UBE2E1: variants seen among roughly 807,000 people sequenced by gnomAD.
UBE2E1 encodes the protein ubiquitin-conjugating enzyme E2 E1.
Under a neutral mutation model 21.4 loss-of-function variants are expected in UBE2E1, and 6 were observed. That is an observed-to-expected ratio of 0.28 (90% CI 0.15 to 0.55). The LOEUF is 0.55. Among genes scored for constraint, UBE2E1 ranks in the 20% least tolerant of loss-of-function variants. UBE2E1 has a pLI of 0.93. For synonymous variants in UBE2E1, 87 were observed against 82.7 expected, an observed-to-expected ratio of 1.05 and a Z score of -0.28; for missense variants, 142 against 236.5, an observed-to-expected ratio of 0.60 and a Z score of 2.62.
intron 3 of UBE2E1, among the ~76,000 whole-genome samples, chr3:23,882,312 C>T (rs544952942): frequency 1.3e-5 from 2 of 152,274 alleles, no homozygotes; most frequent in East Asian, 1.9e-4. Context: ...CAAAAGTTCT[C>T]CAAGTCCCCA....
In UBE2E1 at chr3:23,842,273, G is replaced by T. The variant is rs185285057; in HGVS notation, c.203+30763G>T. On this transcript the variant is annotated intron_variant, in intron 3 of 5. Transcript: ENST00000306627. The surrounding 1 kb of genome is among the most constrained non-coding windows in gnomAD (Gnocchi z 4.6). ...TGGTGTTGTTGTTGTTGGCGACAGGGTCTCAATTCGTCGCCTAGGCTGGGA... is the reference window on the plus strand; with the variant it reads ...TGGTGTTGTTGTTGTTGGCGACAGGTTCTCAATTCGTCGCCTAGGCTGGGA... Among the ~76,000 whole-genome samples the T allele has an allele frequency of 2.9e-5, 4 of 138,998 alleles. No individual in the cohort carries two copies. The East Asian group carries it at 8.4e-4, about 29-fold the overall frequency. 91.2% of individuals were successfully genotyped at this position (138,998 alleles called of 152,430 possible).
At chr3:23,815,429 G>A (rs1245800255) in intron 3 of UBE2E1, among the ~76,000 whole-genome samples, 1 of 152,192 alleles carries the variant, frequency 6.6e-6, no homozygotes, top group African/African-American at 2.4e-5. Context: ...AAATACAGAA[G>A]TTTGTGGAGT....
rs1701214061 is a variant in UBE2E1 at position 23,887,459 on chromosome 3, C to A, written c.204-108C>A. The stretch of plus-strand genomic sequence containing the variant: ...GTACTTGTTTTGTAAAGAGAATCCA[C>A]ACAGTAAACAAAAGAGAGGAGAGAG... On this transcript the variant is annotated intron_variant, in intron 3 of 5. Coordinates refer to ENST00000306627, the MANE Select transcript of UBE2E1 (RefSeq NM_003341.5). This position sits in a 1 kb window ranked among gnomAD's most constrained non-coding sequence, Gnocchi z 4.4. The A allele has an allele frequency of 7.1e-7, 1 of 1,407,204 alleles. No individual in the cohort carries two copies. Among genetic ancestry groups the A allele is most frequent in the Non-Finnish European group, 9.4e-7 (1 of 1,061,820 alleles). The allele number at this position is 1,407,204 out of a possible 1,614,324, so 87.2% of individuals were successfully genotyped here.
At chr3:23,881,156 G>A (rs184050564) in intron 3 of UBE2E1, among the ~76,000 whole-genome samples, 2 of 152,172 alleles carry the variant, frequency 1.3e-5, no homozygotes, top group African/African-American at 4.8e-5. Flanking sequence ...CAGAAGTGTC[G>A]TGGCTCATGG....
At chr3:23,828,892 A>T (rs1257262489) in intron 3 of UBE2E1, among the ~76,000 whole-genome samples, 2 of 152,184 alleles carry the variant, frequency 1.3e-5, no homozygotes, top group East Asian at 1.9e-4. Context: ...CTGTCCCAGC[A>T]CACCTAAGGA....
At chr3:23,846,723 A>T (rs553737355) in intron 3 of UBE2E1, among the ~76,000 whole-genome samples, 1 of 137,338 alleles carries the variant, frequency 7.3e-6, no homozygotes, top group Non-Finnish European at 1.6e-5. Flanking sequence ...AAAAAAGGGA[A>T]TGGGTAATAG....
intron 3 of UBE2E1, among the ~76,000 whole-genome samples, chr3:23,833,155 A>G (rs528854344): frequency 5.3e-5 from 8 of 152,276 alleles, no homozygotes; most frequent in Admixed American, 1.3e-4. Context: ...CAGTCTCCAT[A>G]TATTTGTCTC....
intron 3 of UBE2E1, among the ~76,000 whole-genome samples, chr3:23,819,849 C>T (rs1310136506): frequency 1.3e-5 from 2 of 152,184 alleles, no homozygotes; most frequent in Non-Finnish European, 2.9e-5. Flanking sequence ...GATGTGATCT[C>T]TGCTGCAGGC....
chr3:23,869,873 C>T (rs990431336), intron 3 of UBE2E1, among the ~76,000 whole-genome samples: 3 of 151,976 alleles, frequency 2.0e-5, no homozygotes, highest in South Asian at 2.1e-4. Context: ...GAGGGCTGCT[C>T]TTGGGGGGAG....
chr3:23,835,452 A>G (rs903989419), intron 3 of UBE2E1, among the ~76,000 whole-genome samples: 5 of 150,420 alleles, frequency 3.3e-5, no homozygotes, highest in Admixed American at 2.0e-4. Flanking sequence ...GAGCCACAGA[A>G]CAAGACCTGC....
chr3:23,879,721 C>T (rs73825173), intron 3 of UBE2E1, among the ~76,000 whole-genome samples: 2,122 of 152,346 alleles, frequency 0.014, 56 homozygotes, highest in African/African-American at 0.049. Flanking sequence ...TGCCTGGCTG[C>T]TCTAACAGTG....
At chr3:23,813,545 T>C (rs949467148) in intron 3 of UBE2E1, among the ~76,000 whole-genome samples, 7 of 152,018 alleles carry the variant, frequency 4.6e-5, no homozygotes, top group Non-Finnish European at 1.0e-4. Context: ...TTTATTTATT[T>C]ATTTATTTTC....
intron 2 of UBE2E1, among the ~76,000 whole-genome samples, chr3:23,809,347 T>A (rs1699339617): frequency 6.6e-6 from 1 of 152,182 alleles, no homozygotes; most frequent in South Asian, 2.1e-4. Context: ...CTGTGAAGTA[T>A]ATTGATTTGG....
At chr3:23,888,183 C>T (rs1701235702) in intron 4 of UBE2E1, 1 of 456,176 alleles carries the variant, frequency 2.2e-6, no homozygotes, top group Middle Eastern at 3.3e-4. Flanking sequence ...CTTCCCAAAG[C>T]TTTGGATTCT....
chr3:23,821,550 C>G (rs1699645937), intron 3 of UBE2E1, among the ~76,000 whole-genome samples: 1 of 152,160 alleles, frequency 6.6e-6, no homozygotes, highest in South Asian at 2.1e-4. Flanking sequence ...GAGGGTATTG[C>G]TCTGTTTCAA....
In UBE2E1 at chr3:23,890,494, A is replaced by ATTCT. The variant is rs775563681; in HGVS notation, c.485-12_485-9dup. ...TTTTCCTTTCTCCAAAGTAATCTAC[A>ATTCT]TTCTTTTCTTCCAGCCGACCCCTTG... On this transcript the variant is annotated splice_polypyrimidine_tract_variant and intron_variant, in intron 5 of 5. Transcript: ENST00000306627. 6.2e-7 allele frequency: 1 copy of ATTCT among 1,608,254 alleles called. No homozygotes were observed. Among genetic ancestry groups the ATTCT allele is most frequent in the Non-Finnish European group, 8.5e-7 (1 of 1,177,714 alleles).
intron 3 of UBE2E1, among the ~76,000 whole-genome samples, chr3:23,881,595 A>T (rs967387379): frequency 6.6e-6 from 1 of 152,228 alleles, no homozygotes; most frequent in Non-Finnish European, 1.5e-5. Context: ...CATGTTACAC[A>T]AAACTGAGAT....
intron 3 of UBE2E1, among the ~76,000 whole-genome samples, chr3:23,845,096 C>A (rs1167481291): frequency 6.6e-6 from 1 of 152,162 alleles, no homozygotes; most frequent in African/African-American, 2.4e-5. Context: ...TAAAAGCTCA[C>A]ATGTGAAATT....
At chr3:23,811,836 G>T (rs1190123933) in intron 3 of UBE2E1, among the ~76,000 whole-genome samples, 5 of 152,202 alleles carry the variant, frequency 3.3e-5, no homozygotes, top group Non-Finnish European at 7.3e-5. Flanking sequence ...CCTTTCAGAT[G>T]CGAAGGACAT....
Sources: allele counts gnomAD v4.1 joint callset (sites outside exome capture counted in the v4.1 genomes callset), GRCh38; gene constraint gnomAD v4.1.1; non-coding constraint Gnocchi (gnomAD v3.1); transcripts MANE v1.5; gene names NCBI Gene and HGNC (gene_info 2026-07-23, HGNC 2026-07-21).